SPAG9: variants seen among roughly 807,000 people sequenced by gnomAD.
SPAG9 encodes the protein C-Jun-amino-terminal kinase-interacting protein 4.
A neutral mutation model predicts 166.5 loss-of-function variants in SPAG9; 35 were observed. The ratio of observed to expected loss-of-function variants is 0.21; its 90% CI spans 0.16 to 0.28. The LOEUF (loss-of-function observed/expected upper bound fraction) is 0.28, where lower values mean the gene tolerates loss of function less well. Ranked by LOEUF, SPAG9 falls within the 10% of genes least tolerant of loss-of-function variation. The pLI, the probability that SPAG9 is intolerant of heterozygous loss-of-function variation, is 1.00. For missense variants in SPAG9, 1,235 were observed against 1,603.3 expected, an observed-to-expected ratio of 0.77 and a Z score of 3.92; for synonymous variants, 534 against 565.5, an observed-to-expected ratio of 0.94 and a Z score of 0.79.
At chr17:51,024,749 T>C (rs1407350802) in intron 6 of SPAG9, among the ~76,000 whole-genome samples, 1 of 151,378 alleles carries the variant, frequency 6.6e-6, no homozygotes, top group African/African-American at 2.4e-5. Flanking sequence ...ACTTCATGTA[T>C]GCCTGTAATC....
intron 8 of SPAG9, among the ~76,000 whole-genome samples, chr17:51,015,011 G>A (rs901691805): frequency 2.6e-5 from 4 of 151,882 alleles, no homozygotes; most frequent in East Asian, 1.9e-4. Context: ...ATGGTGGAGA[G>A]AACATAGTCA....
chr17:51,103,518 A>T (rs1191682119), intron 1 of SPAG9, among the ~76,000 whole-genome samples: 1 of 152,214 alleles, frequency 6.6e-6, no homozygotes, highest in African/African-American at 2.4e-5. Flanking sequence ...TTTACAAACC[A>T]AATTCAAAAT....
chr17:51,057,240 G>A (rs9675200), intron 2 of SPAG9, among the ~76,000 whole-genome samples: 1 of 152,014 alleles, frequency 6.6e-6, no homozygotes, highest in African/African-American at 2.4e-5. Context: ...GGCAGAGGGT[G>A]GTGGTGAGGC....
chr17:51,077,009 G>GCTATCTAT (rs1491203505), intron 2 of SPAG9, among the ~76,000 whole-genome samples: 827 of 69,434 alleles, frequency 0.012, 34 homozygotes, highest in Middle Eastern at 0.038. Flanking sequence ...TATCTAGCTA[G>GCTATCTAT]CTAGCTAGCT....
intron 2 of SPAG9, among the ~76,000 whole-genome samples, chr17:51,073,163 T>C (rs1355588559): frequency 6.6e-6 from 1 of 151,968 alleles, no homozygotes; most frequent in African/African-American, 2.4e-5. Context: ...CCATCTCTAC[T>C]GAAAAAATGC....
intron 28 of SPAG9, 33 bp downstream of exon 28, chr17:50,974,738 C>G: frequency 6.5e-7 from 1 of 1,546,422 alleles, no homozygotes; most frequent in Non-Finnish European, 8.7e-7. Context: ...GAGACAATTA[C>G]ATGGAACATC....
rs116026287 is a variant in SPAG9 at position 51,006,258 on chromosome 17, G to C, written c.1272-21C>G. The C allele has an allele frequency of 1.6e-3, 2,600 of 1,608,492 alleles. 25 individuals carry two copies. The African/African-American group carries it at 0.031, about 19-fold the overall frequency. On this transcript the variant is annotated intron_variant, in intron 10 of 29. Coordinates refer to ENST00000262013, the MANE Select transcript of SPAG9 (RefSeq NM_001130528.3). ...CATTTCTAAGAAACACATATTTCAA[G>C]TGCATCATTACAAATAAATATTCTT...
At chr17:50,985,816 A>T (rs1460240888) in intron 22 of SPAG9, 38 bp from the exon 23 acceptor site, 1 of 1,139,572 alleles carries the variant, frequency 8.8e-7, no homozygotes, top group South Asian at 1.3e-5. Context: ...GGCATAGAGA[A>T]CATCAAGACA....
At chr17:51,049,569 C>T (rs775796266) in intron 3 of SPAG9, among the ~76,000 whole-genome samples, 27 of 151,886 alleles carry the variant, frequency 1.8e-4, no homozygotes, top group Non-Finnish European at 2.9e-4. Context: ...GTACCAGCTA[C>T]TTGGGAGGCT....
intron 1 of SPAG9, among the ~76,000 whole-genome samples, chr17:51,096,207 A>G (rs1336736977): frequency 3.3e-5 from 5 of 151,412 alleles, no homozygotes; most frequent in African/African-American, 4.8e-5. Context: ...TCAGCCAGAC[A>G]TGGAGGAGGC....
Position 50,984,995 on chromosome 17 carries a change from A to G in SPAG9, c.3021-5T>C. On this transcript the variant is annotated splice_region_variant and splice_polypyrimidine_tract_variant and intron_variant, in intron 23 of 29. Coordinates refer to ENST00000262013, the MANE Select transcript of SPAG9 (RefSeq NM_001130528.3). ...AACACGATTCCCTTCACGTGTCTGC[A>G]AACAGGAAAGGGGAGTTCAGAACTC... 3 of 1,613,980 alleles carry G rather than the reference A, an allele frequency of 1.9e-6. No homozygotes were observed. The highest frequency in any genetic ancestry group is 2.5e-6 in the Non-Finnish European group (3 of 1,179,826).
At chr17:51,059,322 A>G (rs548447513) in intron 2 of SPAG9, among the ~76,000 whole-genome samples, 23 of 152,196 alleles carry the variant, frequency 1.5e-4, no homozygotes, top group African/African-American at 5.5e-4. Context: ...TTGAATACTC[A>G]TTCTTCCTTA....
chr17:50,976,367 G>A (rs1252729148), intron 27 of SPAG9, among the ~76,000 whole-genome samples: 2 of 152,136 alleles, frequency 1.3e-5, no homozygotes, highest in East Asian at 1.9e-4. Context: ...TGATTTATAA[G>A]TAACTGCAGA....
At chr17:51,005,843 C>G (rs758868093) in intron 11 of SPAG9, among the ~76,000 whole-genome samples, 1 of 152,220 alleles carries the variant, frequency 6.6e-6, no homozygotes, top group Non-Finnish European at 1.5e-5. Context: ...AGGAGTGAGA[C>G]TCCGTCTCAA....
rs374965775 is a variant in SPAG9, at chr17:50,998,518, G to A, written c.1764C>T (p.Ser588=). The change falls in exon 15 of 30, where the codon TCC becomes TCT. Residue 588 remains serine, a synonymous_variant. Transcript: ENST00000262013. ...ATAAGGTGCTGCTTCTTTTCTTGAC[G>A]GACGGAGTAACATGAGACGTGGGTG... ...YNAPTSHVTP[S]VKKRSSTLSQ... is the part of the protein sequence containing the mutation. 247 of 1,613,926 alleles carry A rather than the reference G, an allele frequency of 1.5e-4. No individual in the cohort carries two copies. Among genetic ancestry groups the A allele is most frequent in the Non-Finnish European group, 1.9e-4 (228 of 1,179,968 alleles).
chr17:51,069,277 G>C (rs907562640), intron 2 of SPAG9, among the ~76,000 whole-genome samples: 2 of 151,866 alleles, frequency 1.3e-5, no homozygotes, highest in Non-Finnish European at 2.9e-5. Flanking sequence ...AGAAGGAATT[G>C]CCTATTGACA....
chr17:51,049,394 G>A (rs528239477), intron 3 of SPAG9, among the ~76,000 whole-genome samples: 1 of 151,318 alleles, frequency 6.6e-6, no homozygotes, highest in South Asian at 2.1e-4. Flanking sequence ...AAATAAAAGA[G>A]GTCAGGTGCA....
At chr17:51,102,415 A>AG (rs1264442660) in intron 1 of SPAG9, among the ~76,000 whole-genome samples, 2 of 151,796 alleles carry the variant, frequency 1.3e-5, no homozygotes, top group Admixed American at 6.6e-5. Flanking sequence ...AAAAAAAAAA[A>AG]AAAGAAAAGA....
chr17:51,046,884 C>T (rs1263021369), intron 4 of SPAG9: 1 of 1,522,846 alleles, frequency 6.6e-7, no homozygotes, highest in Non-Finnish European at 8.8e-7. Context: ...TATGCAGCAA[C>T]CCCAAGCGAC....
Sources: gnomAD v4.1 joint callset for allele counts (sites outside exome capture counted in the v4.1 genomes callset) on GRCh38, gnomAD v4.1.1 for gene constraint, MANE v1.5 for transcripts, NCBI Gene and HGNC (gene_info 2026-07-23, HGNC 2026-07-21) for gene names.